Variants in RPSA2 observed in about 807,000 individuals in gnomAD.
The protein encoded by RPSA2 is small ribosomal subunit protein uS2B.
the RPSA2 span, among the ~76,000 whole-genome samples, chr19:23,863,973 G>C: frequency 9.9e-4 from 150 of 152,186 alleles, no homozygotes; most frequent in African/African-American, 3.2e-3. Context: ...TCTACATCTG[G>C]GGCTGCTTAA....
the RPSA2 span, among the ~76,000 whole-genome samples, chr19:23,826,752 C>T: frequency 2.0e-5 from 3 of 152,034 alleles, no homozygotes; most frequent in South Asian, 4.1e-4. Flanking sequence ...GTGGGGCGAT[C>T]TTGGCTCACT....
At chr19:23,768,356 T>A in the RPSA2 span, among the ~76,000 whole-genome samples, 1 of 151,812 alleles carries the variant, frequency 6.6e-6, no homozygotes. Context: ...TTGTATATAT[T>A]TCTCAAACCA....
chr19:23,859,054 T>C, the RPSA2 span, among the ~76,000 whole-genome samples: 2 of 152,194 alleles, frequency 1.3e-5, no homozygotes, highest in Non-Finnish European at 2.9e-5. Flanking sequence ...AACCAACTTC[T>C]TGTGTGTCCA....
the RPSA2 span, among the ~76,000 whole-genome samples, chr19:23,856,422 T>C: frequency 1.8e-4 from 28 of 151,858 alleles, 1 homozygote; most frequent in South Asian, 5.8e-3. Context: ...TTAACAGGAG[T>C]TTAATATAGT....
the RPSA2 span, among the ~76,000 whole-genome samples, chr19:23,869,421 CA>C: frequency 0.51 from 78,006 of 151,862 alleles, 20,464 homozygotes; most frequent in South Asian, 0.62. Flanking sequence ...CCAATTGCCC[CA>C]ACTGTGCTGA....
At chr19:23,811,493 CAG>C in the RPSA2 span, among the ~76,000 whole-genome samples, 1 of 148,186 alleles carries the variant, frequency 6.7e-6, no homozygotes, top group Non-Finnish European at 1.5e-5. Context: ...TTCTTGCTGT[CAG>C]GGGATAAGCA....
chr19:23,767,349 G>C, the RPSA2 span, among the ~76,000 whole-genome samples: 1 of 152,268 alleles, frequency 6.6e-6, no homozygotes, highest in Admixed American at 6.5e-5. Context: ...AAAGTGCAGG[G>C]ATTACAGGTG....
the RPSA2 span, among the ~76,000 whole-genome samples, chr19:23,782,656 C>T: frequency 1.3e-5 from 2 of 152,122 alleles, no homozygotes; most frequent in African/African-American, 4.8e-5. Context: ...TATGTTTGGG[C>T]CTCCCACCTA....
chr19:23,849,232 T>C, the RPSA2 span, among the ~76,000 whole-genome samples: 2 of 152,216 alleles, frequency 1.3e-5, no homozygotes, highest in Admixed American at 6.5e-5. Flanking sequence ...AGCAGAATGC[T>C]TGAATCTACC....
At chr19:23,865,353 C>G in the RPSA2 span, among the ~76,000 whole-genome samples, 1 of 152,178 alleles carries the variant, frequency 6.6e-6, no homozygotes. Context: ...GGTTATTACA[C>G]ATAACCCATT....
chr19:23,773,345 G>A, the RPSA2 span, among the ~76,000 whole-genome samples: 6 of 150,792 alleles, frequency 4.0e-5, no homozygotes, highest in East Asian at 2.0e-4. Flanking sequence ...GTGCAGTGGC[G>A]TGATCTCAGC....
chr19:23,866,283 AG>A, the RPSA2 span, among the ~76,000 whole-genome samples: 1 of 152,362 alleles, frequency 6.6e-6, no homozygotes, highest in African/African-American at 2.4e-5. Flanking sequence ...GTGCAGCATC[AG>A]ATCACTCATG....
At chr19:23,813,528 T>C in the RPSA2 span, among the ~76,000 whole-genome samples, 5 of 152,076 alleles carry the variant, frequency 3.3e-5, no homozygotes, top group Non-Finnish European at 7.4e-5. Flanking sequence ...TGTGTCAAGA[T>C]TTTTAAGATT....
At chr19:23,766,616 G>A in the RPSA2 span, among the ~76,000 whole-genome samples, 5 of 151,584 alleles carry the variant, frequency 3.3e-5, no homozygotes, top group East Asian at 2.0e-4. Context: ...CACCTTGCCC[G>A]GCTAATTTTT....
the RPSA2 span, among the ~76,000 whole-genome samples, chr19:23,851,103 T>C: frequency 6.6e-6 from 1 of 152,202 alleles, no homozygotes; most frequent in African/African-American, 2.4e-5. Context: ...CTTCTCCTGT[T>C]TGGCAAGTAG....
At chr19:23,793,947 A>AT in the RPSA2 span, among the ~76,000 whole-genome samples, 1 of 151,486 alleles carries the variant, frequency 6.6e-6, no homozygotes, top group Non-Finnish European at 1.5e-5. Flanking sequence ...TTCTTTTCGT[A>AT]TTTTTTTAGA....
At chr19:23,808,374 A>G in the RPSA2 span, among the ~76,000 whole-genome samples, 6 of 148,656 alleles carry the variant, frequency 4.0e-5, 1 homozygote, top group South Asian at 1.1e-3. Flanking sequence ...GGTTCAAGCG[A>G]TTCTGCCTCA....
At chr19:23,788,054 G>C in the RPSA2 span, among the ~76,000 whole-genome samples, 15 of 152,252 alleles carry the variant, frequency 9.9e-5, no homozygotes, top group African/African-American at 3.4e-4. Flanking sequence ...CTTGACTCCT[G>C]CCCAAGTGGT....
At chr19:23,864,969 C>T in the RPSA2 span, among the ~76,000 whole-genome samples, 1 of 152,184 alleles carries the variant, frequency 6.6e-6, no homozygotes, top group East Asian at 1.9e-4. Flanking sequence ...AAGGAGCCCT[C>T]TGACCTATTC....
Sources: allele counts gnomAD v4.1 joint callset (sites outside exome capture counted in the v4.1 genomes callset), GRCh38; gene constraint gnomAD v4.1.1; transcripts MANE v1.5; gene names NCBI Gene and HGNC (gene_info 2026-07-23, HGNC 2026-07-21).